The following SMC3 variants were observed in gnomAD, a reference collection of about 807,000 sequenced individuals.
The protein encoded by SMC3 is structural maintenance of chromosomes 3, also known as structural maintenance of chromosomes protein 3.
In SMC3, 20 loss-of-function variants were observed where a neutral mutation model predicts 171.8. That is an observed-to-expected ratio of 0.12 (90% CI 0.08 to 0.17). The LOEUF (loss-of-function observed/expected upper bound fraction) is 0.17, where lower values mean the gene tolerates loss of function less well. Among genes scored for constraint, SMC3 ranks in the 10% least tolerant of loss-of-function variants. The pLI, the probability that SMC3 is intolerant of heterozygous loss-of-function variation, is 1.00. For missense variants in SMC3, 543 were observed against 1,420.4 expected, an observed-to-expected ratio of 0.38 and a Z score of 9.93; for synonymous variants, 464 against 451.1, an observed-to-expected ratio of 1.03 and a Z score of -0.36.
At position 110,567,732 on chromosome 10, in the gene SMC3, G is replaced by C. The variant is rs1860792850; in HGVS notation, c.-85G>C. On this transcript the variant is annotated 5_prime_UTR_variant, in exon 1 of 29. Coordinates refer to ENST00000361804, the MANE Select transcript of SMC3 (RefSeq NM_005445.4). ...GGAGCGAGCGGCGCTTTGGGGGAGG[G>C]GTCGCGTAGGCGCCTCACCTGACCC... The C allele has an allele frequency of 6.5e-7, 1 of 1,528,120 alleles. No individual in the cohort carries two copies. The highest frequency in any genetic ancestry group is 9.0e-7 in the Non-Finnish European group (1 of 1,106,168). The allele number at this position is 1,528,120 out of a possible 1,614,324, so 94.7% of individuals were successfully genotyped here. A position where few individuals can be genotyped will look rare whatever the true frequency, so the allele number is the denominator to read the frequency against.
chr10:110,590,049 GTAA>G (rs1861182097), intron 15 of SMC3, 58 bp downstream of exon 15: 7 of 1,476,384 alleles, frequency 4.7e-6, no homozygotes, highest in African/African-American at 2.8e-5. Flanking sequence ...TAATCGTTAT[GTAA>G]TAATTTTTTA....
At chr10:110,581,117 T>C in intron 8 of SMC3, 96 bp downstream of exon 8, 3 of 772,626 alleles carry the variant, frequency 3.9e-6, no homozygotes, top group Non-Finnish European at 7.1e-6. Flanking sequence ...GTGTTTAGTA[T>C]ATGACAGCAT....
At chr10:110,599,833 A>G in intron 21 of SMC3, 21 bp downstream of exon 21, 1 of 1,612,502 alleles carries the variant, frequency 6.2e-7, no homozygotes, top group Non-Finnish European at 8.5e-7. Flanking sequence ...AGCTGACTGG[A>G]AAAAGAATTC....
chr10:110,590,971 C>G lies in SMC3; in HGVS notation c.1671-20C>G, dbSNP rs768291297. On this transcript the variant is annotated intron_variant, in intron 16 of 28. Transcript: ENST00000361804. ...ACCCTGAGTACCAATAAAGATTTGT[C>G]TTACTCTGTTTATATTTAGGTTATT... 6.2e-6 allele frequency: 10 copies of G among 1,610,622 alleles called. No homozygotes were observed. The highest frequency in any genetic ancestry group is 1.7e-4 in the Middle Eastern group (1 of 5,988).
At position 110,604,505 on chromosome 10, in the gene SMC3, A is replaced by G. The variant is rs1175114631; in HGVS notation, c.*203A>G. ...ATAGTTTAAGAATTTAATTTCCTGT[A>G]CAACTTTTTGTAAAATGTTCTGCTC... On this transcript the variant is annotated 3_prime_UTR_variant, in exon 29 of 29. Transcript: ENST00000361804. 3 of 513,418 alleles carry G rather than the reference A, an allele frequency of 5.8e-6. No individual in the cohort carries two copies. In the Admixed American group the frequency reaches 1.0e-4, roughly 18 times the overall value. The allele number at this position is 513,418 out of a possible 1,614,324, so 31.8% of individuals were successfully genotyped here.
At chr10:110,591,494 G>A (rs1861203811) in intron 17 of SMC3, among the ~76,000 whole-genome samples, 1 of 152,194 alleles carries the variant, frequency 6.6e-6, no homozygotes, top group Non-Finnish European at 1.5e-5. Flanking sequence ...CATAATTAAG[G>A]TTAGGGAGTT....
Position 110,581,145 on chromosome 10 carries a change from A to G in SMC3, c.547+124A>G. On this transcript the variant is annotated intron_variant, in intron 8 of 28. Transcript: ENST00000361804. ...GACAGCATTAGATAATGCTGTTATT[A>G]ATAAAAATTGAGAATCCATAACACC... 4.2e-6 allele frequency: 3 copies of G among 714,510 alleles called. No homozygotes were observed. The South Asian group carries it at 4.4e-5, about 10-fold the overall frequency. 44.3% of individuals were successfully genotyped at this position (714,510 alleles called of 1,614,324 possible).
chr10:110,601,949 A>G lies in SMC3; in HGVS notation c.2893-17A>G, dbSNP rs192711356. 5.9e-4 allele frequency: 952 copies of G among 1,609,658 alleles called. 3 individuals carry two copies. The highest frequency in any genetic ancestry group is 3.9e-4 in the Non-Finnish European group (459 of 1,176,982). ...TATATAAATTTATTTATATGAATAC[A>G]TATTTTCTCTTTATAGTTGTTTCGA... On this transcript the variant is annotated splice_polypyrimidine_tract_variant and intron_variant, in intron 24 of 28. Transcript: ENST00000361804.
Position 110,584,447 on chromosome 10 carries a change from T to C in SMC3, c.1305+51T>C, listed in dbSNP as rs377095144. The stretch of plus-strand genomic sequence containing the variant: ...AAAAATCTTTCAGAAGAGATAAATG[T>C]GTTTAGTTTTATCTACTTCAAGTTT... On this transcript the variant is annotated intron_variant, in intron 13 of 28. Coordinates refer to ENST00000361804, the MANE Select transcript of SMC3 (RefSeq NM_005445.4). The C allele has an allele frequency of 3.0e-6, 4 of 1,336,382 alleles. No individual in the cohort carries two copies. The African/African-American group carries it at 5.8e-5, about 19-fold the overall frequency. 82.8% of individuals were successfully genotyped at this position (1,336,382 alleles called of 1,614,324 possible).
rs1397547565 is a variant in SMC3, at chr10:110,604,657, C to CACT, written c.*356_*357insCTA. ...TAATATAGTGTTTTATGTGGCTTTT[C>CACT]ATTTGTCATAGTCTCTTCCAGTGAG... On this transcript the variant is annotated 3_prime_UTR_variant, in exon 29 of 29. Coordinates refer to ENST00000361804, the MANE Select transcript of SMC3 (RefSeq NM_005445.4). 7.7e-6 allele frequency: 2 copies of CACT among 259,184 alleles called. No individual in the cohort carries two copies. The highest frequency in any genetic ancestry group is 4.6e-5 in the African/African-American group (2 of 43,350). 16.1% of individuals were successfully genotyped at this position (259,184 alleles called of 1,614,324 possible). A position where few individuals can be genotyped will look rare whatever the true frequency, so the allele number is the denominator to read the frequency against.
At chr10:110,581,893 T>G in intron 8 of SMC3, 30 bp from the exon 9 acceptor site, 1 of 1,580,178 alleles carries the variant, frequency 6.3e-7, no homozygotes, top group Non-Finnish European at 8.7e-7. Context: ...CTTATTCAAT[T>G]CTTCCACCTC....
Position 110,586,975 on chromosome 10 carries a change from T to C in SMC3, c.1305+2579T>C, listed in dbSNP as rs186591754. On this transcript the variant is annotated intron_variant, in intron 13 of 28. Coordinates refer to ENST00000361804, the MANE Select transcript of SMC3 (RefSeq NM_005445.4). ...CCCGGTGTAAATAGGCTTTTGCCTC[T>C]TGGTATAATCCTAAATTAATTTTTC... is the stretch of plus-strand genomic sequence containing the variant. Among the ~76,000 whole-genome samples, 78 of 152,338 alleles carry C rather than the reference T, an allele frequency of 5.1e-4. 1 individual carries two copies. The highest frequency in any genetic ancestry group is 1.9e-3 in the African/African-American group (77 of 41,584).
intron 9 of SMC3, 24 bp downstream of exon 9, chr10:110,582,122 T>G: frequency 6.3e-7 from 1 of 1,582,422 alleles, no homozygotes; most frequent in South Asian, 1.1e-5. Context: ...CTGTGACACT[T>G]AAAATCAGAT....
At chr10:110,582,858 A>G (rs1861053479) in intron 10 of SMC3, among the ~76,000 whole-genome samples, 1 of 151,862 alleles carries the variant, frequency 6.6e-6, no homozygotes, top group African/African-American at 2.4e-5. Flanking sequence ...TGTAGAGACA[A>G]GGTCTTACCA....
Position 110,567,733 on chromosome 10 carries a change from G to T in SMC3, c.-84G>T. On this transcript the variant is annotated 5_prime_UTR_variant, in exon 1 of 29. Transcript: ENST00000361804. ...GAGCGAGCGGCGCTTTGGGGGAGGGGTCGCGTAGGCGCCTCACCTGACCCT... is the reference window on the plus strand; with the variant it reads ...GAGCGAGCGGCGCTTTGGGGGAGGGTTCGCGTAGGCGCCTCACCTGACCCT... 6 of 1,543,046 alleles carry T rather than the reference G, an allele frequency of 3.9e-6. No homozygotes were observed. The South Asian group carries it at 6.7e-5, about 17-fold the overall frequency.
chr10:110,605,579 G>A lies in SMC3; in HGVS notation c.*1277G>A, dbSNP rs142116493. Among the ~76,000 whole-genome samples, 7 of 152,164 alleles carry A rather than the reference G, an allele frequency of 4.6e-5. No homozygotes were observed. The highest frequency in any genetic ancestry group is 8.8e-5 in the Non-Finnish European group (6 of 68,020). On this transcript the variant is annotated 3_prime_UTR_variant, in exon 29 of 29. Transcript: ENST00000361804. ...GGGACTTTAAATTGAATTTAAAAAT[G>A]TGAGTTTACTTTGGGTTTTCATTTT... is the stretch of plus-strand genomic sequence containing the variant.
At chr10:110,594,638 A>G (rs1319668415) in intron 18 of SMC3, among the ~76,000 whole-genome samples, 3 of 152,144 alleles carry the variant, frequency 2.0e-5, no homozygotes, top group Middle Eastern at 3.2e-3. Context: ...AACCTCCAGT[A>G]TATAGGTTTA....
chr10:110,585,086 C>T (rs1248931514), intron 13 of SMC3, among the ~76,000 whole-genome samples: 1 of 151,818 alleles, frequency 6.6e-6, no homozygotes, highest in Non-Finnish European at 1.5e-5. Flanking sequence ...AATTTCGGCT[C>T]ACTGCAACCT....
intron 28 of SMC3, 84 bp from the exon 29 acceptor site, chr10:110,604,147 G>T: frequency 1.7e-5 from 11 of 652,476 alleles, no homozygotes; most frequent in East Asian, 3.2e-5. Flanking sequence ...GTTAAATGTA[G>T]TTGATAGGCT....
Sources: gnomAD v4.1 joint callset for allele counts (sites outside exome capture counted in the v4.1 genomes callset) on GRCh38, gnomAD v4.1.1 for gene constraint, MANE v1.5 for transcripts, NCBI Gene and HGNC (gene_info 2026-07-23, HGNC 2026-07-21) for gene names.